Variants in PCNX2 observed in about 807,000 individuals in gnomAD.
The protein encoded by PCNX2 is pecanex-like protein 2.
A neutral mutation model predicts 223.8 loss-of-function variants in PCNX2; 168 were observed. The observed-to-expected ratio is 0.75, with a 90% CI of 0.66 to 0.85. The LOEUF (loss-of-function observed/expected upper bound fraction) is 0.85. PCNX2 is among the 40% of genes least tolerant of loss of function. The pLI is 0.00. For synonymous variants in PCNX2, 1,006 were observed against 1,052.6 expected (o/e 0.96, Z 0.86); for missense variants, 2,507 against 2,675.5 (o/e 0.94, Z 1.39).
At chr1:233,218,966 G>T (rs1192907097) in intron 10 of PCNX2, among the ~76,000 whole-genome samples, 1 of 152,128 alleles carries the variant, frequency 6.6e-6, no homozygotes, top group African/African-American at 2.4e-5. Flanking sequence ...AGCCAGGAGA[G>T]CTCCAGCAGG....
chr1:233,020,069 G>A (rs759144776), intron 26 of PCNX2, among the ~76,000 whole-genome samples: 7 of 152,152 alleles, frequency 4.6e-5, no homozygotes, highest in African/African-American at 9.7e-5. Context: ...AAAAGTTTAC[G>A]TTTTCATTCA....
chr1:233,221,484 C>T (rs1211709277), intron 10 of PCNX2, among the ~76,000 whole-genome samples: 1 of 152,148 alleles, frequency 6.6e-6, no homozygotes, highest in South Asian at 2.1e-4. Flanking sequence ...ATTCCTCTGC[C>T]CCCAGGTTCC....
In PCNX2 at chr1:233,250,358, C is replaced by T. The variant is rs115353293; in HGVS notation, c.2222+381G>A. Among the ~76,000 whole-genome samples the T allele has an allele frequency of 7.5e-3, 1,137 of 152,248 alleles. 9 individuals carry two copies. The highest frequency in any genetic ancestry group is 0.023 in the South Asian group (112 of 4,820). ...TGTATCTATCTGTAAAACAGTTTGCCTTTATTACTGTAAATGAGAATAAAT... is the reference window on the plus strand; with the variant it reads ...TGTATCTATCTGTAAAACAGTTTGCTTTTATTACTGTAAATGAGAATAAAT... On this transcript the variant is annotated intron_variant, in intron 8 of 33. Transcript: ENST00000258229.
intron 13 of PCNX2, among the ~76,000 whole-genome samples, chr1:233,205,593 G>A (rs1681396137): frequency 6.6e-6 from 1 of 152,050 alleles, no homozygotes; most frequent in African/African-American, 2.4e-5. Flanking sequence ...TACTTGGGAG[G>A]CTGAGGCAGG....
chr1:233,274,518 T>C (rs987277050), intron 1 of PCNX2, among the ~76,000 whole-genome samples: 4 of 152,172 alleles, frequency 2.6e-5, no homozygotes, highest in African/African-American at 9.7e-5. Flanking sequence ...TCCCTATACA[T>C]ACCAAGTTCA....
intron 10 of PCNX2, among the ~76,000 whole-genome samples, chr1:233,224,734 T>C (rs1174151648): frequency 6.6e-6 from 1 of 152,066 alleles, no homozygotes; most frequent in Non-Finnish European, 1.5e-5. Context: ...TTATTTTAAT[T>C]GACTCTAAAT....
At chr1:233,172,531 C>T (rs528470795) in intron 17 of PCNX2, 1 of 985,388 alleles carries the variant, frequency 1.0e-6, no homozygotes, top group Admixed American at 6.1e-5. Flanking sequence ...GAGGATCATC[C>T]TCACTCTGAG....
Position 233,101,437 on chromosome 1 carries a change from A to C in PCNX2, c.3838-5574T>G, listed in dbSNP as rs527505224. Among the ~76,000 whole-genome samples, 155 of 152,326 alleles carry C rather than the reference A, an allele frequency of 1.0e-3. 2 individuals are homozygous for C. Among genetic ancestry groups the C allele is most frequent in the African/African-American group, 3.7e-3 (152 of 41,574 alleles). ...TGTAAAGTAAAAAACATCTTCAGAC[A>C]ATGGTTATAACTCATTACAAGAGTG... On this transcript the variant is annotated intron_variant, in intron 21 of 33. Coordinates refer to ENST00000258229, the MANE Select transcript of PCNX2 (RefSeq NM_014801.4).
rs752850885 is a variant in PCNX2 at position 233,295,494 on chromosome 1, G to A, written c.-16C>T. ...GGGACACCATGCCGGCTGCGCCCCG[G>A]GGCTGGTGAGCGCCCCGCTGCACCC... On this transcript the variant is annotated 5_prime_UTR_variant, in exon 1 of 34. Coordinates refer to ENST00000258229, the MANE Select transcript of PCNX2 (RefSeq NM_014801.4). This position sits in a 1 kb window ranked among gnomAD's most constrained non-coding sequence, Gnocchi z 4.1. 5.2e-6 allele frequency: 8 copies of A among 1,543,400 alleles called. No homozygotes were observed. The highest frequency in any genetic ancestry group is 4.3e-4 in the Middle Eastern group (2 of 4,662).
intron 25 of PCNX2, among the ~76,000 whole-genome samples, chr1:233,026,055 T>C (rs2102834848): frequency 6.6e-6 from 1 of 152,308 alleles, no homozygotes; most frequent in Middle Eastern, 3.4e-3. Flanking sequence ...AAAATCCCTG[T>C]CCTTGTATAG....
At chr1:233,073,683 G>A (rs1254830365) in intron 23 of PCNX2, among the ~76,000 whole-genome samples, 1 of 152,054 alleles carries the variant, frequency 6.6e-6, no homozygotes, top group Non-Finnish European at 1.5e-5. Flanking sequence ...TGTGATCATA[G>A]CTCACTGAAG....
At position 233,129,752 on chromosome 1, in the gene PCNX2, C is replaced by A. The variant is rs575770097; in HGVS notation, c.3837+5261G>T. 4.6e-5 allele frequency among the ~76,000 whole-genome samples: 7 copies of A among 152,320 alleles called. No individual in the cohort carries two copies. The South Asian group carries it at 1.5e-3, about 32-fold the overall frequency. The stretch of plus-strand genomic sequence containing the variant: ...CTTTGTCTAGCTAAGGGATTGTAAA[C>A]ACACCAATCAGCACCCTGTCAAACG... On this transcript the variant is annotated intron_variant, in intron 21 of 33. Coordinates refer to ENST00000258229, the MANE Select transcript of PCNX2 (RefSeq NM_014801.4).
rs551462676 is a variant in PCNX2 at position 233,200,919 on chromosome 1, G to A, written c.2864-655C>T. Among the ~76,000 whole-genome samples the A allele has an allele frequency of 3.0e-4, 45 of 150,508 alleles. 1 individual carries two copies. The South Asian group carries it at 6.3e-3, about 21-fold the overall frequency. The stretch of plus-strand genomic sequence containing the variant: ...CGGGCGCCTGTAGTCCCAGCTACTC[G>A]GGAGGCTGAGGCAGGAGAATGGCGT... On this transcript the variant is annotated intron_variant, in intron 13 of 33. Coordinates refer to ENST00000258229, the MANE Select transcript of PCNX2 (RefSeq NM_014801.4).
At chr1:232,996,655 C>A (rs936232661) in intron 32 of PCNX2, among the ~76,000 whole-genome samples, 80 of 152,292 alleles carry the variant, frequency 5.3e-4, no homozygotes, top group African/African-American at 1.9e-3. Context: ...TATCTAGCAT[C>A]TGTGGAAGGA....
At chr1:233,019,747 CGTT>C (rs10580002) in intron 26 of PCNX2, among the ~76,000 whole-genome samples, 17,238 of 151,912 alleles carry the variant, frequency 0.11, 1,036 homozygotes, top group East Asian at 0.21. Flanking sequence ...ACAGGAGAAC[CGTT>C]GTGTCTGTGG....
intron 25 of PCNX2, among the ~76,000 whole-genome samples, chr1:233,037,593 G>A (rs927855331): frequency 2.6e-5 from 4 of 151,858 alleles, no homozygotes; most frequent in Non-Finnish European, 5.9e-5. Context: ...TAATCCTCCC[G>A]GGATTACAGA....
intron 15 of PCNX2, among the ~76,000 whole-genome samples, chr1:233,181,712 C>T (rs189438169): frequency 6.6e-6 from 1 of 152,198 alleles, no homozygotes; most frequent in East Asian, 1.9e-4. Flanking sequence ...CTGGGGAGGC[C>T]CTGCTTCCTG....
At chr1:233,224,428 T>C (rs1214368691) in intron 10 of PCNX2, among the ~76,000 whole-genome samples, 2 of 152,240 alleles carry the variant, frequency 1.3e-5, no homozygotes, top group African/African-American at 4.8e-5. Context: ...CCTGACTCTT[T>C]TGAAGAATGT....
the PCNX2 span, among the ~76,000 whole-genome samples, chr1:233,326,083 G>T: frequency 6.6e-6 from 1 of 152,196 alleles, no homozygotes; most frequent in African/African-American, 2.4e-5. Context: ...AGGTTCAGAT[G>T]ATCATTAGCA....
Sources: gnomAD v4.1 joint callset for allele counts (sites outside exome capture counted in the v4.1 genomes callset) on GRCh38, gnomAD v4.1.1 for gene constraint, Gnocchi (gnomAD v3.1) non-coding constraint, MANE v1.5 for transcripts, NCBI Gene and HGNC (gene_info 2026-07-23, HGNC 2026-07-21) for gene names.